Variants in PTPRD observed in about 807,000 individuals in gnomAD.
The protein encoded by PTPRD is protein tyrosine phosphatase receptor type D, also known as receptor-type tyrosine-protein phosphatase delta.
A neutral mutation model predicts 214.5 loss-of-function variants in PTPRD; 34 were observed. That is an observed-to-expected ratio of 0.16 (90% confidence interval 0.12 to 0.21). The LOEUF is 0.21. Ranked by LOEUF, PTPRD falls within the 10% of genes least tolerant of loss-of-function variation. The pLI is 1.00. For missense variants in PTPRD, 2,545 were observed against 2,398.7 expected, an observed-to-expected ratio of 1.06 and a Z score of -1.27; for synonymous variants, 1,128 against 845.7, an observed-to-expected ratio of 1.33 and a Z score of -5.79.
chr9:8,412,041 G>A (rs998516045), intron 35 of PTPRD, among the ~76,000 whole-genome samples: 9 of 152,186 alleles, frequency 5.9e-5, no homozygotes, highest in African/African-American at 2.2e-4. Flanking sequence ...TTGGTAAAAT[G>A]TAATTACGAT....
intron 14 of PTPRD, among the ~76,000 whole-genome samples, chr9:8,615,629 T>C (rs2095586928): frequency 6.6e-6 from 1 of 152,136 alleles, no homozygotes. Context: ...TAAGTGAATT[T>C]CGTACACATA....
chr9:8,432,895 G>A (rs1273151514), intron 35 of PTPRD, among the ~76,000 whole-genome samples: 1 of 152,296 alleles, frequency 6.6e-6, no homozygotes, highest in East Asian at 1.9e-4. Flanking sequence ...TAAGCCTACT[G>A]GGGAAGCTGT....
At chr9:9,519,806 T>C (rs544271947) in intron 8 of PTPRD, among the ~76,000 whole-genome samples, 2 of 152,060 alleles carry the variant, frequency 1.3e-5, no homozygotes, top group South Asian at 4.1e-4. Context: ...TTCAACAAAA[T>C]CCATAAAAAT....
chr9:9,363,852 T>G (rs2057056452), intron 9 of PTPRD, among the ~76,000 whole-genome samples: 1 of 151,404 alleles, frequency 6.6e-6, no homozygotes, highest in African/African-American at 2.4e-5. Context: ...ATAACTTTTT[T>G]GGTGTTGATA....
intron 36 of PTPRD, among the ~76,000 whole-genome samples, chr9:8,400,115 T>C (rs890718412): frequency 3.3e-5 from 5 of 152,232 alleles, no homozygotes; most frequent in African/African-American, 9.6e-5. Context: ...TCCATGTCAA[T>C]AGGGCTTTTA....
At chr9:8,803,136 A>T (rs551873973) in intron 11 of PTPRD, among the ~76,000 whole-genome samples, 1 of 152,290 alleles carries the variant, frequency 6.6e-6, no homozygotes. Flanking sequence ...ACTACACAAG[A>T]TAACGCATGT....
chr9:10,066,366 G>A (rs1324310861), intron 3 of PTPRD, among the ~76,000 whole-genome samples: 1 of 151,162 alleles, frequency 6.6e-6, no homozygotes, highest in African/African-American at 2.4e-5. Context: ...TTACAACCAT[G>A]GTTCCTTCTC....
intron 44 of PTPRD, among the ~76,000 whole-genome samples, chr9:8,321,487 G>GTGTGTATATATATATATATA (rs1168847469): frequency 2.2e-5 from 1 of 44,552 alleles, no homozygotes; most frequent in Non-Finnish European, 3.9e-5. Flanking sequence ...GTGTGTGTGT[G>GTGTGTATATATATATATATA]TATATATATA....
chr9:9,200,166 G>T (rs2099941031), intron 9 of PTPRD, among the ~76,000 whole-genome samples: 1 of 152,160 alleles, frequency 6.6e-6, no homozygotes, highest in African/African-American at 2.4e-5. Flanking sequence ...AGCCAGCTTG[G>T]CAAACAAACA....
At chr9:9,083,618 C>T (rs1171809969) in intron 10 of PTPRD, among the ~76,000 whole-genome samples, 1 of 151,984 alleles carries the variant, frequency 6.6e-6, no homozygotes, top group Non-Finnish European at 1.5e-5. Flanking sequence ...AACAGGCAAC[C>T]TACAGAATGG....
intron 8 of PTPRD, among the ~76,000 whole-genome samples, chr9:9,425,007 T>G (rs558081426): frequency 6.6e-6 from 1 of 152,212 alleles, no homozygotes; most frequent in Admixed American, 6.5e-5. Flanking sequence ...TCAGCAGAAG[T>G]GTTATTATAT....
At chr9:9,672,335 A>G (rs995578107) in intron 7 of PTPRD, among the ~76,000 whole-genome samples, 4 of 152,184 alleles carry the variant, frequency 2.6e-5, no homozygotes, top group African/African-American at 4.8e-5. Flanking sequence ...AATTACCTAT[A>G]TAGCAGAATG....
chr9:8,837,653 T>G (rs1331769926), intron 11 of PTPRD, among the ~76,000 whole-genome samples: 1 of 152,060 alleles, frequency 6.6e-6, no homozygotes, highest in Non-Finnish European at 1.5e-5. Flanking sequence ...CATACCACCA[T>G]GCCTCGCTAA....
chr9:8,881,484 T>C (rs2098445514), intron 11 of PTPRD, among the ~76,000 whole-genome samples: 1 of 152,218 alleles, frequency 6.6e-6, no homozygotes, highest in Non-Finnish European at 1.5e-5. Flanking sequence ...TACAATGTAG[T>C]ATACAGTTAG....
intron 10 of PTPRD, among the ~76,000 whole-genome samples, chr9:9,048,496 T>C (rs1228176812): frequency 6.6e-6 from 1 of 152,154 alleles, no homozygotes; most frequent in Non-Finnish European, 1.5e-5. Flanking sequence ...GATCTTGTGA[T>C]TTGTGAAAAC....
chr9:9,315,691 T>C (rs749551568), intron 9 of PTPRD, among the ~76,000 whole-genome samples: 6 of 151,782 alleles, frequency 4.0e-5, no homozygotes, highest in Non-Finnish European at 7.4e-5. Flanking sequence ...TACTGTAGAA[T>C]ATTCCTTGCC....
chr9:10,514,432 T>C (rs759612887), intron 2 of PTPRD, among the ~76,000 whole-genome samples: 48 of 151,574 alleles, frequency 3.2e-4, no homozygotes, highest in Non-Finnish European at 6.5e-4. Context: ...ATATACACCA[T>C]AGTTTGTTAT....
intron 12 of PTPRD, among the ~76,000 whole-genome samples, chr9:8,725,807 A>T (rs75104311): frequency 0.084 from 12,831 of 152,242 alleles, 685 homozygotes; most frequent in South Asian, 0.14. Flanking sequence ...CAGCAGAAGC[A>T]GGACTTGAAC....
At chr9:8,891,645 T>C (rs532339931) in intron 11 of PTPRD, among the ~76,000 whole-genome samples, 1 of 152,138 alleles carries the variant, frequency 6.6e-6, no homozygotes, top group African/African-American at 2.4e-5. Flanking sequence ...TTCTTCTCCC[T>C]GCAATGGACG....
Sources: gnomAD v4.1 joint callset for allele counts (sites outside exome capture counted in the v4.1 genomes callset) on GRCh38, gnomAD v4.1.1 for gene constraint, MANE v1.5 for transcripts, NCBI Gene and HGNC (gene_info 2026-07-23, HGNC 2026-07-21) for gene names.